Variants in LRRN1 observed in about 807,000 individuals in gnomAD.
LRRN1 encodes leucine-rich repeat neuronal protein 1.
In LRRN1, 14 loss-of-function variants were observed where a neutral mutation model predicts 45.8. That is an observed-to-expected ratio of 0.31 (90% confidence interval 0.20 to 0.48). The LOEUF is 0.48. Among genes scored for constraint, LRRN1 ranks in the 20% least tolerant of loss-of-function variants. The pLI is 0.99. For missense variants in LRRN1, 789 were observed against 874.2 expected (o/e 0.90, Z 1.23); for synonymous variants, 359 against 330.1 (o/e 1.09, Z -0.95).
intron 1 of LRRN1, among the ~76,000 whole-genome samples, chr3:3,830,515 TC>T (rs1251906381): frequency 2.0e-5 from 3 of 152,238 alleles, no homozygotes; most frequent in Non-Finnish European, 4.4e-5. Flanking sequence ...CTGTCCATTT[TC>T]AGGTGGTGTC....
intron 1 of LRRN1, among the ~76,000 whole-genome samples, chr3:3,809,297 C>T (rs1246160909): frequency 2.6e-5 from 4 of 152,146 alleles, no homozygotes; most frequent in Non-Finnish European, 5.9e-5. Context: ...GTGCCTGCCA[C>T]CATGCCCAGC....
At chr3:3,809,236 G>T (rs549105936) in intron 1 of LRRN1, among the ~76,000 whole-genome samples, 1 of 152,044 alleles carries the variant, frequency 6.6e-6, no homozygotes, top group Non-Finnish European at 1.5e-5. Flanking sequence ...CTCTGCCTCC[G>T]GGGTTCAAGC....
At chr3:3,828,664 C>T (rs1265651523) in intron 1 of LRRN1, among the ~76,000 whole-genome samples, 1 of 152,116 alleles carries the variant, frequency 6.6e-6, no homozygotes, top group African/African-American at 2.4e-5. Flanking sequence ...CTATCCTTCC[C>T]ACAACCGGAA....
At chr3:3,818,997 C>CTT (rs34405977) in intron 1 of LRRN1, among the ~76,000 whole-genome samples, 7 of 142,634 alleles carry the variant, frequency 4.9e-5, no homozygotes, top group Admixed American at 2.1e-4. Context: ...AACTACTTTA[C>CTT]TTTTATTTTT....
At chr3:3,808,915 A>T (rs1310786023) in intron 1 of LRRN1, among the ~76,000 whole-genome samples, 1 of 152,164 alleles carries the variant, frequency 6.6e-6, no homozygotes, top group Non-Finnish European at 1.5e-5. Flanking sequence ...AACCCTCTTT[A>T]AATCATTTTA....
chr3:3,810,457 A>T (rs577645526), intron 1 of LRRN1, among the ~76,000 whole-genome samples: 1 of 152,232 alleles, frequency 6.6e-6, no homozygotes, highest in African/African-American at 2.4e-5. Context: ...CAATATCATC[A>T]TCTTGTATCT....
chr3:3,842,714 A>G (rs1693675264), intron 1 of LRRN1, among the ~76,000 whole-genome samples: 1 of 152,212 alleles, frequency 6.6e-6, no homozygotes, highest in Non-Finnish European at 1.5e-5. Flanking sequence ...AAGTTCCTTC[A>G]GTGCTCAAGA....
chr3:3,833,469 A>T (rs1383366386), intron 1 of LRRN1, among the ~76,000 whole-genome samples: 2 of 152,180 alleles, frequency 1.3e-5, no homozygotes, highest in Non-Finnish European at 2.9e-5. Context: ...CCATTATCCC[A>T]TACCCTTAAT....
In LRRN1 at chr3:3,844,516, C is replaced by T. The variant is rs2106471672; in HGVS notation, c.-126C>T. 1.3e-6 allele frequency: 1 copy of T among 755,778 alleles called. No individual in the cohort carries two copies. The highest frequency in any genetic ancestry group is 2.1e-6 in the Non-Finnish European group (1 of 470,026). The allele number at this position is 755,778 out of a possible 1,614,324, so 46.8% of individuals were successfully genotyped here. On this transcript the variant is annotated 5_prime_UTR_variant, in exon 2 of 2. Coordinates refer to ENST00000319331, the MANE Select transcript of LRRN1 (RefSeq NM_020873.7). ...TCCCTTTGGACTCTGGAATTCTACA[C>T]AGCTCAACCAAGACTTTGCTTGAAT...
At chr3:3,804,779 C>T (rs1336321625) in intron 1 of LRRN1, among the ~76,000 whole-genome samples, 3 of 107,532 alleles carry the variant, frequency 2.8e-5, no homozygotes, top group Non-Finnish European at 5.8e-5. Flanking sequence ...ACCATAGTTA[C>T]ATTAACAATG....
In LRRN1 at chr3:3,805,834, G is replaced by A. The variant is rs55803656; in HGVS notation, c.-279+5915G>A. Among the ~76,000 whole-genome samples the A allele has an allele frequency of 8.1e-3, 1,238 of 152,296 alleles. 13 individuals carry two copies. Among genetic ancestry groups the A allele is most frequent in the African/African-American group, 0.028 (1,177 of 41,550 alleles). ...CATTAAACATTTGTTCACCTCACAA[G>A]TATATATTGAGCACCTGCTGTATGC... On this transcript the variant is annotated intron_variant, in intron 1 of 1. Transcript: ENST00000319331.
intron 1 of LRRN1, among the ~76,000 whole-genome samples, chr3:3,807,363 G>A (rs77160460): frequency 0.013 from 1,934 of 152,260 alleles, 44 homozygotes; most frequent in African/African-American, 0.043. Flanking sequence ...TGTTTTCATT[G>A]ATTTTTGTTT....
intron 1 of LRRN1, among the ~76,000 whole-genome samples, chr3:3,809,693 G>C (rs549144319): frequency 1.1e-4 from 16 of 152,302 alleles, no homozygotes; most frequent in African/African-American, 3.6e-4. Context: ...TCTCAGCTCT[G>C]TGATCTAGAG....
chr3:3,815,624 AT>A (rs1559287531), intron 1 of LRRN1, among the ~76,000 whole-genome samples: 1 of 152,218 alleles, frequency 6.6e-6, no homozygotes, highest in Non-Finnish European at 1.5e-5. Flanking sequence ...GAAGCATAGC[AT>A]ACTACTTAAT....
At chr3:3,833,537 G>T (rs1283022755) in intron 1 of LRRN1, among the ~76,000 whole-genome samples, 1 of 152,136 alleles carries the variant, frequency 6.6e-6, no homozygotes, top group Non-Finnish European at 1.5e-5. Flanking sequence ...AATTCAAACA[G>T]TTCTTTTCTA....
chr3:3,847,825 T>G lies in LRRN1; in HGVS notation c.*1033T>G, dbSNP rs1008127674. The G allele has an allele frequency of 2.4e-5, 4 of 165,560 alleles. No individual in the cohort carries two copies. The highest frequency in any genetic ancestry group is 9.6e-5 in the African/African-American group (4 of 41,452). 10.3% of individuals were successfully genotyped at this position (165,560 alleles called of 1,614,324 possible). Reference sequence around the variant, plus strand: ...ATGAACAGGATTTCTGTATTTTAAATAGTACTGACTAGCACCTAATGGGCA... The same window carrying G: ...ATGAACAGGATTTCTGTATTTTAAAGAGTACTGACTAGCACCTAATGGGCA... On this transcript the variant is annotated 3_prime_UTR_variant, in exon 2 of 2. Transcript: ENST00000319331.
intron 1 of LRRN1, among the ~76,000 whole-genome samples, chr3:3,815,868 T>C: frequency 6.6e-6 from 1 of 151,200 alleles, no homozygotes; most frequent in East Asian, 2.0e-4. Flanking sequence ...TGCACTGCAA[T>C]TTACTCTAAA....
At chr3:3,837,918 G>A (rs189277811) in intron 1 of LRRN1, among the ~76,000 whole-genome samples, 8 of 151,846 alleles carry the variant, frequency 5.3e-5, no homozygotes, top group East Asian at 1.9e-4. Context: ...TGTGTGTGTC[G>A]TTCCCCTCCC....
rs1693834806 is a variant in LRRN1, at chr3:3,848,970, A to G, written c.*2178A>G. 6.6e-6 allele frequency among the ~76,000 whole-genome samples: 1 copy of G among 152,214 alleles called. No individual in the cohort carries two copies. Among genetic ancestry groups the G allele is most frequent in the African/African-American group, 2.4e-5 (1 of 41,458 alleles). On this transcript the variant is annotated 3_prime_UTR_variant, in exon 2 of 2. Coordinates refer to ENST00000319331, the MANE Select transcript of LRRN1 (RefSeq NM_020873.7). Reference sequence around the variant, plus strand: ...TTAGTATTGCAAAGTATGTATGGGAAACACAGAGAATTGGAGCTGCGTTGA... The same window carrying G: ...TTAGTATTGCAAAGTATGTATGGGAGACACAGAGAATTGGAGCTGCGTTGA...
Sources: allele counts gnomAD v4.1 joint callset (sites outside exome capture counted in the v4.1 genomes callset), GRCh38; gene constraint gnomAD v4.1.1; transcripts MANE v1.5; gene names NCBI Gene and HGNC (gene_info 2026-07-23, HGNC 2026-07-21).